Variants in EYA1 observed in about 807,000 individuals in gnomAD.
EYA1 encodes EYA transcriptional coactivator and phosphatase 1.
A neutral mutation model predicts 82.0 loss-of-function variants in EYA1; 16 were observed. The ratio of observed to expected loss-of-function variants is 0.20; its 90% confidence interval spans 0.13 to 0.30. The LOEUF (loss-of-function observed/expected upper bound fraction) is 0.30, where lower values mean the gene tolerates loss of function less well. Ranked by LOEUF, EYA1 falls within the 10% of genes least tolerant of loss-of-function variation. The pLI, the probability that EYA1 is intolerant of heterozygous loss-of-function variation, is 1.00. For missense variants in EYA1, 633 were observed against 730.7 expected (o/e 0.87, Z 1.54); for synonymous variants, 261 against 264.4 (o/e 0.99, Z 0.12).
rs191650823 is a variant in EYA1, at chr8:71,385,072, T to A, written c.34-28561A>T. Among the ~76,000 whole-genome samples, 7 of 152,096 alleles carry A rather than the reference T, an allele frequency of 4.6e-5. No individual in the cohort carries two copies. In the East Asian group the frequency reaches 1.4e-3, roughly 29 times the overall value. ...TCACCCAGGCTGGAGTGCAGTGGCG[T>A]AATCTTGGCTCACTGCAGCCTCAAA... On this transcript the variant is annotated intron_variant, in intron 2 of 18. Coordinates refer to the EYA1 transcript ENST00000643681.
At chr8:71,227,999 T>C (rs1474826301) in intron 12 of EYA1, among the ~76,000 whole-genome samples, 1 of 152,146 alleles carries the variant, frequency 6.6e-6, no homozygotes, top group Non-Finnish European at 1.5e-5. Context: ...TCAGGCCCAA[T>C]CATATCCTTA....
intron 2 of EYA1, among the ~76,000 whole-genome samples, chr8:71,418,254 G>A (rs562113217): frequency 1.2e-4 from 18 of 152,230 alleles, no homozygotes; most frequent in South Asian, 6.2e-4. Context: ...AATTTGGTTC[G>A]CACGGTGTTT....
chr8:71,435,050 AT>A (rs1336623419), intron 2 of EYA1, among the ~76,000 whole-genome samples: 23 of 152,254 alleles, frequency 1.5e-4, no homozygotes, highest in African/African-American at 5.3e-4. Flanking sequence ...AAATGGGCAA[AT>A]GCATCTTTTA....
chr8:71,409,835 A>C (rs1313289993), intron 2 of EYA1, among the ~76,000 whole-genome samples: 1 of 135,556 alleles, frequency 7.4e-6, no homozygotes, highest in African/African-American at 2.9e-5. Flanking sequence ...AACTATTCCA[A>C]TCAATGGAAA....
chr8:71,273,022 T>C (rs943678896), intron 9 of EYA1, among the ~76,000 whole-genome samples: 2 of 152,226 alleles, frequency 1.3e-5, no homozygotes, highest in Admixed American at 6.5e-5. Flanking sequence ...TCAAACTGCA[T>C]GGTCTCAGAA....
rs1809295650 is a variant in EYA1, at chr8:71,217,006, A to G, written c.1158T>C (p.His386=). ...FNDLEECDQV[H]IDDVSSDDNG... is the part of the protein sequence containing the mutation. ...TATCATCTGAAGAAACATCATCTAT[A>G]TGGACTTGGTCACATTCCTAAAATG... The change falls in exon 13 of 18, where the codon CAT becomes CAC. Residue 386 remains histidine, a synonymous_variant. Coordinates refer to ENST00000340726, the MANE Select transcript of EYA1 (RefSeq NM_000503.6). 6.2e-7 allele frequency: 1 copy of G among 1,613,282 alleles called. No homozygotes were observed. Among genetic ancestry groups the G allele is most frequent in the African/African-American group, 1.3e-5 (1 of 74,914 alleles).
chr8:71,431,653 C>T (rs1371233339), intron 2 of EYA1, among the ~76,000 whole-genome samples: 3 of 152,160 alleles, frequency 2.0e-5, no homozygotes, highest in Non-Finnish European at 2.9e-5. Flanking sequence ...AACCATTCCT[C>T]CCTTCTTTTT....
chr8:71,287,075 C>T (rs1384764966), intron 9 of EYA1, among the ~76,000 whole-genome samples: 1 of 151,948 alleles, frequency 6.6e-6, no homozygotes, highest in Non-Finnish European at 1.5e-5. Context: ...GCTGGGATTA[C>T]AGGCGTGAGA....
intron 4 of EYA1, among the ~76,000 whole-genome samples, chr8:71,327,382 T>C (rs1010301505): frequency 1.3e-5 from 2 of 152,252 alleles, no homozygotes; most frequent in African/African-American, 4.8e-5. Context: ...AATTTTCAAA[T>C]ATCACCAGAC....
At chr8:71,480,470 T>C (rs77680974) in intron 2 of EYA1, among the ~76,000 whole-genome samples, 14,623 of 152,060 alleles carry the variant, frequency 0.096, 1,477 homozygotes, top group East Asian at 0.47. Flanking sequence ...TACACACGCA[T>C]TGTCTTAAAG....
chr8:71,321,668 A>G, intron 6 of EYA1, 66 bp downstream of exon 6: 1 of 1,575,782 alleles, frequency 6.3e-7, no homozygotes, highest in Non-Finnish European at 8.6e-7. Context: ...TTTAAGTACC[A>G]CTCAAACATG....
intron 2 of EYA1, among the ~76,000 whole-genome samples, chr8:71,433,896 C>T (rs1015499470): frequency 1.3e-5 from 2 of 152,202 alleles, no homozygotes; most frequent in Admixed American, 1.3e-4. Context: ...ACACTTCTGG[C>T]TGTAGACATT....
chr8:71,516,447 T>C (rs1199624683), intron 2 of EYA1, among the ~76,000 whole-genome samples: 2 of 152,150 alleles, frequency 1.3e-5, no homozygotes, highest in African/African-American at 2.4e-5. Context: ...GACTTCTATA[T>C]AGAAGGTGGC....
At chr8:71,484,048 T>G (rs1810377938) in intron 2 of EYA1, among the ~76,000 whole-genome samples, 1 of 152,158 alleles carries the variant, frequency 6.6e-6, no homozygotes, top group Non-Finnish European at 1.5e-5. Flanking sequence ...TGAATTACAC[T>G]CAGGCCACAG....
chr8:71,249,103 A>G (rs1813443711), intron 11 of EYA1, among the ~76,000 whole-genome samples: 1 of 152,192 alleles, frequency 6.6e-6, no homozygotes, highest in Non-Finnish European at 1.5e-5. Flanking sequence ...TTTTAAGTCA[A>G]TCTCATTGCC....
chr8:71,464,197 G>A (rs944328439), intron 2 of EYA1, among the ~76,000 whole-genome samples: 2 of 151,950 alleles, frequency 1.3e-5, no homozygotes, highest in Non-Finnish European at 1.5e-5. Flanking sequence ...CCTCTTCAAG[G>A]GGCCCCTTCC....
intron 2 of EYA1, among the ~76,000 whole-genome samples, chr8:71,433,207 T>G (rs1805755637): frequency 6.6e-6 from 1 of 152,184 alleles, no homozygotes; most frequent in Admixed American, 6.5e-5. Context: ...ACTTAACATT[T>G]TCACAGATCC....
At chr8:71,434,933 A>T (rs571365326) in intron 2 of EYA1, among the ~76,000 whole-genome samples, 283 of 152,202 alleles carry the variant, frequency 1.9e-3, no homozygotes, top group Middle Eastern at 0.017. Context: ...AGACATATAT[A>T]TGTGCATACA....
intron 4 of EYA1, among the ~76,000 whole-genome samples, chr8:71,328,410 C>T (rs879576582): frequency 1.3e-5 from 2 of 152,214 alleles, no homozygotes; most frequent in African/African-American, 2.4e-5. Context: ...GCCCCCTCAG[C>T]TCTCCTGATT....
Sources: gnomAD v4.1 joint callset for allele counts (sites outside exome capture counted in the v4.1 genomes callset) on GRCh38, gnomAD v4.1.1 for gene constraint, MANE v1.5 for transcripts, NCBI Gene and HGNC (gene_info 2026-07-23, HGNC 2026-07-21) for gene names.